The following RNF24 variants were observed in gnomAD, a reference collection of about 807,000 sequenced individuals.
The protein encoded by RNF24 is ring finger protein 24.
Under a neutral mutation model 20.0 loss-of-function variants are expected in RNF24, and 14 were observed. That is an observed-to-expected ratio of 0.70 (90% CI 0.46 to 1.10). The LOEUF (loss-of-function observed/expected upper bound fraction) is 1.10. Ranked by LOEUF, RNF24 falls within the 50% of genes least tolerant of loss-of-function variation. The pLI is 0.00. For synonymous variants in RNF24, 45 were observed against 61.1 expected, an observed-to-expected ratio of 0.74 and a Z score of 1.23; for missense variants, 124 against 177.6, an observed-to-expected ratio of 0.70 and a Z score of 1.71.
chr20:4,002,898 T>C (rs1356322898), intron 1 of RNF24, among the ~76,000 whole-genome samples: 1 of 152,192 alleles, frequency 6.6e-6, no homozygotes, highest in Non-Finnish European at 1.5e-5. Context: ...TGAATTGAAA[T>C]AGAGAAAATG....
Position 3,932,592 on chromosome 20 carries a change from G to A in RNF24, c.*1471C>T, listed in dbSNP as rs1352845396. The stretch of plus-strand genomic sequence containing the variant: ...GAAAAAAATCCTGGAGTCATGCCAA[G>A]AGCAGAGTAGCAAAGCTCCCTCCAT... On this transcript the variant is annotated 3_prime_UTR_variant, in exon 6 of 6. Coordinates refer to ENST00000358395, the MANE Select transcript of RNF24 (RefSeq NM_001134337.3). The A allele has an allele frequency of 4.4e-6, 1 of 229,862 alleles. No homozygotes were observed. Among genetic ancestry groups the A allele is most frequent in the Admixed American group, 5.7e-5 (1 of 17,518 alleles). The allele number at this position is 229,862 out of a possible 1,614,324, so 14.2% of individuals were successfully genotyped here. A position where few individuals can be genotyped will look rare whatever the true frequency, so the allele number is the denominator to read the frequency against.
chr20:3,947,233 C>T (rs1406484917), intron 3 of RNF24, among the ~76,000 whole-genome samples: 7 of 152,162 alleles, frequency 4.6e-5, no homozygotes, highest in African/African-American at 1.4e-4. Context: ...TGAAGTGTTA[C>T]AGTTCCATAA....
rs2090741502 is a variant in RNF24, at chr20:3,927,550, T to C, written c.*6513A>G. The stretch of plus-strand genomic sequence containing the variant: ...ACCTTTTTTTGAGGGAGTTACACAA[T>C]ACCTAGTGAGGAAACCCGAGGGCCA... On this transcript the variant is annotated 3_prime_UTR_variant, in exon 6 of 6. Transcript: ENST00000358395. 1 of 152,112 alleles carries C rather than the reference T, an allele frequency of 6.6e-6. No individual in the cohort carries two copies. Among genetic ancestry groups the C allele is most frequent in the Admixed American group, 6.5e-5 (1 of 15,274 alleles). The allele number at this position is 152,112 out of a possible 1,614,324, so 9.4% of individuals were successfully genotyped here. A position where few individuals can be genotyped will look rare whatever the true frequency, so the allele number is the denominator to read the frequency against.
chr20:3,989,219 C>A (rs1007757192), intron 1 of RNF24, among the ~76,000 whole-genome samples: 1 of 152,128 alleles, frequency 6.6e-6, no homozygotes, highest in Non-Finnish European at 1.5e-5. Context: ...TGGCCGGGCA[C>A]GGTGGCTCAC....
At chr20:3,945,607 C>T (rs1303345058) in intron 3 of RNF24, among the ~76,000 whole-genome samples, 2 of 151,630 alleles carry the variant, frequency 1.3e-5, no homozygotes, top group African/African-American at 2.4e-5. Flanking sequence ...CCCAGCTACT[C>T]GGCAGGCTGA....
chr20:4,011,475 C>T (rs1175728392), intron 1 of RNF24, among the ~76,000 whole-genome samples: 2 of 127,374 alleles, frequency 1.6e-5, no homozygotes, highest in Non-Finnish European at 1.9e-5. Flanking sequence ...AGGATGATGG[C>T]TATGCAGTAG....
intron 1 of RNF24, among the ~76,000 whole-genome samples, chr20:4,014,824 G>A (rs1333079993): frequency 6.6e-6 from 1 of 151,852 alleles, no homozygotes; most frequent in East Asian, 1.9e-4. Flanking sequence ...TCTCCGGCCT[G>A]TGGAACCACA....
At chr20:3,950,988 C>T (rs1224951383) in intron 2 of RNF24, among the ~76,000 whole-genome samples, 1 of 152,184 alleles carries the variant, frequency 6.6e-6, no homozygotes, top group African/African-American at 2.4e-5. Flanking sequence ...CAGAGTCTCG[C>T]TCTGTAGCCC....
intron 2 of RNF24, among the ~76,000 whole-genome samples, chr20:3,959,484 CAT>C (rs2091178442): frequency 6.6e-6 from 1 of 152,092 alleles, no homozygotes. Flanking sequence ...ATTATTAAAA[CAT>C]AATACACAAT....
chr20:3,994,449 A>C (rs556751721), intron 1 of RNF24, among the ~76,000 whole-genome samples: 73 of 152,360 alleles, frequency 4.8e-4, no homozygotes, highest in Non-Finnish European at 5.9e-4. Flanking sequence ...CAGTCATTAA[A>C]GAGTTATTTC....
intron 1 of RNF24, among the ~76,000 whole-genome samples, chr20:3,974,764 T>C (rs1248155748): frequency 6.6e-6 from 1 of 152,030 alleles, no homozygotes; most frequent in Non-Finnish European, 1.5e-5. Flanking sequence ...TCAAGTAAAA[T>C]CTAAATAAAT....
intron 2 of RNF24, among the ~76,000 whole-genome samples, chr20:3,955,577 T>G (rs1264306018): frequency 6.6e-6 from 1 of 152,206 alleles, no homozygotes; most frequent in African/African-American, 2.4e-5. Context: ...TCCTTCTATT[T>G]GTTTTTCTTT....
At chr20:3,998,941 G>A (rs773685125) in intron 1 of RNF24, among the ~76,000 whole-genome samples, 1 of 151,754 alleles carries the variant, frequency 6.6e-6, no homozygotes, top group East Asian at 1.9e-4. Context: ...TTAGCCGGGC[G>A]TGGTGGTGTG....
intron 1 of RNF24, among the ~76,000 whole-genome samples, chr20:3,994,355 A>G (rs1180499870): frequency 1.3e-5 from 2 of 152,344 alleles, no homozygotes. Flanking sequence ...ACAGTCAGTT[A>G]TAACTCCCCG....
rs2090813633 is a variant in RNF24 at position 3,930,937 on chromosome 20, T to G, written c.*3126A>C. 1 of 152,342 alleles carries G rather than the reference T, an allele frequency of 6.6e-6. No individual in the cohort carries two copies. The highest frequency in any genetic ancestry group is 1.9e-4 in the East Asian group (1 of 5,178). The allele number at this position is 152,342 out of a possible 1,614,324, so 9.4% of individuals were successfully genotyped here. ...TTGGCCATTTCTGTCCTGCCTTCCC[T>G]GGCTAGGCAAGCATAGGCTTCAAGG... On this transcript the variant is annotated 3_prime_UTR_variant, in exon 6 of 6. Transcript: ENST00000358395.
intron 1 of RNF24, among the ~76,000 whole-genome samples, chr20:4,003,824 A>G (rs1351156773): frequency 2.0e-5 from 3 of 151,670 alleles, no homozygotes; most frequent in African/African-American, 7.3e-5. Flanking sequence ...TGTAATTTTT[A>G]GTAGAGTCAG....
intron 1 of RNF24, among the ~76,000 whole-genome samples, chr20:3,967,983 A>G (rs1408273247): frequency 6.7e-6 from 1 of 148,978 alleles, no homozygotes; most frequent in African/African-American, 2.5e-5. Flanking sequence ...CAAAAAAAAA[A>G]AAAAAAAAAA....
At chr20:3,961,806 AT>A (rs1331893631) in intron 2 of RNF24, among the ~76,000 whole-genome samples, 1 of 152,092 alleles carries the variant, frequency 6.6e-6, no homozygotes, top group Non-Finnish European at 1.5e-5. Flanking sequence ...TAGAGGAATT[AT>A]CAAAAAAAAC....
chr20:3,950,514 C>T (rs2091069034), intron 2 of RNF24, among the ~76,000 whole-genome samples: 1 of 152,222 alleles, frequency 6.6e-6, no homozygotes, highest in African/African-American at 2.4e-5. Context: ...TACATTTGAA[C>T]TCTTCTAGCC....
Sources: allele counts gnomAD v4.1 joint callset (sites outside exome capture counted in the v4.1 genomes callset), GRCh38; gene constraint gnomAD v4.1.1; transcripts MANE v1.5; gene names NCBI Gene and HGNC (gene_info 2026-07-23, HGNC 2026-07-21).